VWC2: variants seen among roughly 807,000 people sequenced by gnomAD.
VWC2 encodes the protein brorin.
Under a neutral mutation model 29.8 loss-of-function variants are expected in VWC2, and 14 were observed. The ratio of observed to expected loss-of-function variants is 0.47; its 90% CI spans 0.31 to 0.74. The LOEUF (loss-of-function observed/expected upper bound fraction) is 0.74. Ranked by LOEUF, VWC2 falls within the 30% of genes least tolerant of loss-of-function variation. The pLI is 0.05. For synonymous variants in VWC2, 213 were observed against 199.0 expected (o/e 1.07, Z -0.59); for missense variants, 457 against 459.8 (o/e 0.99, Z 0.05).
chr7:49,908,507 G>A (rs1398168392), intron 3 of VWC2, among the ~76,000 whole-genome samples: 1 of 151,876 alleles, frequency 6.6e-6, no homozygotes, highest in African/African-American at 2.4e-5. Context: ...AAATCTAAGA[G>A]GAAAATTTTT....
In VWC2 at chr7:49,921,907, T is replaced by C. The variant is rs560385179; in HGVS notation, c.*9722T>C. The stretch of plus-strand genomic sequence containing the variant: ...ATTTGTATGTATTGTTGGATGGGTA[T>C]GTGTATTGACCTGATTTATAAAATA... On this transcript the variant is annotated 3_prime_UTR_variant, in exon 4 of 4. Coordinates refer to ENST00000340652, the MANE Select transcript of VWC2 (RefSeq NM_198570.5). 3 of 152,324 alleles carry C rather than the reference T, an allele frequency of 2.0e-5. No individual in the cohort carries two copies. Among genetic ancestry groups the C allele is most frequent in the East Asian group, 1.9e-4 (1 of 5,192 alleles). 9.4% of individuals were successfully genotyped at this position (152,324 alleles called of 1,614,324 possible).
intron 3 of VWC2, among the ~76,000 whole-genome samples, chr7:49,829,864 A>C (rs1437164491): frequency 1.3e-5 from 2 of 152,124 alleles, no homozygotes; most frequent in Non-Finnish European, 1.5e-5. Flanking sequence ...TTAGGATGGG[A>C]ATGGCCATCT....
intron 2 of VWC2, among the ~76,000 whole-genome samples, chr7:49,789,272 GGTGT>G (rs1004536016): frequency 1.5e-5 from 2 of 130,452 alleles, no homozygotes; most frequent in African/African-American, 3.5e-5. Context: ...TGTGTGAGCG[GGTGT>G]GTGTGAGAGT....
At chr7:49,851,206 G>A (rs1199406129) in intron 3 of VWC2, among the ~76,000 whole-genome samples, 2 of 152,158 alleles carry the variant, frequency 1.3e-5, no homozygotes, top group African/African-American at 2.4e-5. Context: ...CTCTGTGCCC[G>A]TGTCTTCTCC....
At chr7:49,841,388 C>G (rs1789789744) in intron 3 of VWC2, among the ~76,000 whole-genome samples, 1 of 150,452 alleles carries the variant, frequency 6.6e-6, no homozygotes, top group African/African-American at 2.5e-5. Context: ...TGTAGGCAAG[C>G]AAAAAGAAAC....
intron 3 of VWC2, among the ~76,000 whole-genome samples, chr7:49,903,471 T>A (rs1447165047): frequency 6.6e-6 from 1 of 152,220 alleles, no homozygotes; most frequent in African/African-American, 2.4e-5. Flanking sequence ...TGCTGAGTTT[T>A]AAAAGCCAAT....
intron 3 of VWC2, among the ~76,000 whole-genome samples, chr7:49,836,839 T>C (rs1346946876): frequency 1.3e-5 from 2 of 152,156 alleles, no homozygotes; most frequent in Admixed American, 1.3e-4. Flanking sequence ...TGGTTTGGTT[T>C]CTTTAGTAAG....
At chr7:49,860,346 T>A (rs758799805) in intron 3 of VWC2, among the ~76,000 whole-genome samples, 2 of 152,258 alleles carry the variant, frequency 1.3e-5, no homozygotes, top group Non-Finnish European at 2.9e-5. Context: ...AGTAGACTCA[T>A]TCAATATTTG....
intron 3 of VWC2, among the ~76,000 whole-genome samples, chr7:49,890,227 T>C (rs1792071375): frequency 6.6e-6 from 1 of 152,310 alleles, no homozygotes; most frequent in Non-Finnish European, 1.5e-5. Flanking sequence ...CCTAATAATT[T>C]TCCCAGGTCA....
intron 2 of VWC2, among the ~76,000 whole-genome samples, chr7:49,788,871 G>T (rs1421121016): frequency 2.8e-5 from 4 of 142,838 alleles, no homozygotes; most frequent in Non-Finnish European, 6.2e-5. Flanking sequence ...CGTGTGTGTG[G>T]GGGGTGTGAG....
intron 3 of VWC2, among the ~76,000 whole-genome samples, chr7:49,866,856 G>T (rs1285570373): frequency 6.6e-6 from 1 of 152,186 alleles, no homozygotes; most frequent in Admixed American, 6.5e-5. Flanking sequence ...CAGACAACCC[G>T]AGGCATGCCT....
At chr7:49,855,809 C>A (rs190740220) in intron 3 of VWC2, among the ~76,000 whole-genome samples, 1 of 152,154 alleles carries the variant, frequency 6.6e-6, no homozygotes, top group Non-Finnish European at 1.5e-5. Context: ...AGCCAGGGGC[C>A]GGTGGCTGAC....
chr7:49,777,469 C>G (rs1013491231), intron 2 of VWC2, among the ~76,000 whole-genome samples: 1 of 152,204 alleles, frequency 6.6e-6, no homozygotes, highest in Non-Finnish European at 1.5e-5. Flanking sequence ...GGCTTTACCA[C>G]TAACCAGCTG....
At chr7:49,815,740 G>C (rs1583646622) in intron 3 of VWC2, among the ~76,000 whole-genome samples, 1 of 152,150 alleles carries the variant, frequency 6.6e-6, no homozygotes, top group Non-Finnish European at 1.5e-5. Context: ...TGATTTCTCT[G>C]TATCCTTTTG....
chr7:49,805,579 C>T (rs73347663), intron 3 of VWC2, among the ~76,000 whole-genome samples: 11,300 of 152,098 alleles, frequency 0.074, 1,238 homozygotes, highest in African/African-American at 0.24. Flanking sequence ...AAGAGAGCTG[C>T]TTGAAAAATG....
chr7:49,855,545 C>T (rs1227867043), intron 3 of VWC2, among the ~76,000 whole-genome samples: 2 of 152,134 alleles, frequency 1.3e-5, no homozygotes, highest in Non-Finnish European at 2.9e-5. Context: ...GGACAGGTTC[C>T]AGGGACAGAG....
intron 3 of VWC2, among the ~76,000 whole-genome samples, chr7:49,901,925 G>C (rs1017135752): frequency 1.4e-5 from 2 of 138,696 alleles, no homozygotes; most frequent in Admixed American, 8.7e-5. Context: ...AGTAAACATA[G>C]TACAATGGAA....
chr7:49,886,100 G>C (rs2128728754), intron 3 of VWC2, among the ~76,000 whole-genome samples: 1 of 152,360 alleles, frequency 6.6e-6, no homozygotes, highest in African/African-American at 2.4e-5. Flanking sequence ...GGCGTCACCA[G>C]GTGCTGGGCA....
chr7:49,880,426 CTTTTG>C (rs139935255), intron 3 of VWC2, among the ~76,000 whole-genome samples: 4,527 of 151,404 alleles, frequency 0.03, 180 homozygotes, highest in South Asian at 0.13. Flanking sequence ...ATTTTGTTTT[CTTTTG>C]TTTTGTTTTT....
Sources: gnomAD v4.1 joint callset for allele counts (sites outside exome capture counted in the v4.1 genomes callset) on GRCh38, gnomAD v4.1.1 for gene constraint, MANE v1.5 for transcripts, NCBI Gene and HGNC (gene_info 2026-07-23, HGNC 2026-07-21) for gene names.